The following RBFOX1 variants were observed in gnomAD, a reference collection of about 807,000 sequenced individuals.
The protein encoded by RBFOX1 is RNA binding fox-1 homolog 1, also known as RNA binding protein fox-1 homolog 1.
Under a neutral mutation model 57.7 loss-of-function variants are expected in RBFOX1, and 8 were observed. The observed-to-expected ratio is 0.14, with a 90% confidence interval of 0.08 to 0.25. RBFOX1 has a LOEUF of 0.25. Among genes scored for constraint, RBFOX1 ranks in the 10% least tolerant of loss-of-function variants. RBFOX1 has a pLI of 1.00. For synonymous variants in RBFOX1, 326 were observed against 222.4 expected (o/e 1.47, Z -4.15); for missense variants, 611 against 548.5 (o/e 1.11, Z -1.14).
At chr16:6,941,806 A>C (rs540176578) in intron 3 of RBFOX1, among the ~76,000 whole-genome samples, 19 of 152,244 alleles carry the variant, frequency 1.2e-4, no homozygotes, top group East Asian at 9.7e-4. Flanking sequence ...TGGAGGACCT[A>C]ACAAATAAGA....
At chr16:7,247,939 A>G (rs560735989) in intron 4 of RBFOX1, among the ~76,000 whole-genome samples, 2 of 152,322 alleles carry the variant, frequency 1.3e-5, no homozygotes, top group African/African-American at 4.8e-5. Context: ...ACTAATGAGT[A>G]CTAGGCTTAA....
intron 14 of RBFOX1, among the ~76,000 whole-genome samples, chr16:7,707,063 A>C (rs374764086): frequency 6.6e-5 from 10 of 152,316 alleles, no homozygotes; most frequent in South Asian, 4.1e-4. Context: ...TGTCAGTTTC[A>C]CTGACAGATT....
At chr16:6,102,020 A>C (rs1296145798) in intron 1 of RBFOX1, among the ~76,000 whole-genome samples, 1 of 152,118 alleles carries the variant, frequency 6.6e-6, no homozygotes, top group Non-Finnish European at 1.5e-5. Context: ...TCTAATAATT[A>C]AAACCCAAAA....
chr16:6,475,144 G>T (rs1263597922), intron 2 of RBFOX1, among the ~76,000 whole-genome samples: 4 of 152,138 alleles, frequency 2.6e-5, no homozygotes, highest in Non-Finnish European at 5.9e-5. Context: ...CTCTCTTTGG[G>T]TGGTGAAATA....
intron 2 of RBFOX1, among the ~76,000 whole-genome samples, chr16:6,501,193 G>A (rs1156305971): frequency 6.7e-6 from 1 of 148,476 alleles, no homozygotes; most frequent in Non-Finnish European, 1.5e-5. Context: ...ACAACGTGCA[G>A]GTTTGTTACA....
At chr16:5,928,775 G>C (rs116450312) in intron 4 of RBFOX1, among the ~76,000 whole-genome samples, 3,403 of 151,774 alleles carry the variant, frequency 0.022, 111 homozygotes, top group African/African-American at 0.078. Flanking sequence ...CCACCATTTT[G>C]GTTCCACAGT....
At chr16:6,226,516 C>T (rs1042713506) in intron 1 of RBFOX1, among the ~76,000 whole-genome samples, 14 of 151,954 alleles carry the variant, frequency 9.2e-5, no homozygotes, top group African/African-American at 2.7e-4. Flanking sequence ...CTCATTGAAG[C>T]GGTGTTCAAG....
chr16:6,097,443 T>C lies in RBFOX1; in HGVS notation c.-127+77451T>C, dbSNP rs913795777. Among the ~76,000 whole-genome samples, 3 of 152,188 alleles carry C rather than the reference T, an allele frequency of 2.0e-5. No individual in the cohort carries two copies. Among genetic ancestry groups the C allele is most frequent in the African/African-American group, 7.2e-5 (3 of 41,446 alleles). ...GCAAGGCCTGGGAGTTTGTGAGAGA[T>C]GCAGATTCTTGGTGCCCATCCAAAC... On this transcript the variant is annotated intron_variant, in intron 1 of 15. Coordinates refer to ENST00000550418, the MANE Select transcript of RBFOX1 (RefSeq NM_018723.4). This position sits in a 1 kb window ranked among gnomAD's most constrained non-coding sequence, Gnocchi z 5.0.
chr16:5,774,535 A>G (rs372382661), intron 3 of RBFOX1, among the ~76,000 whole-genome samples: 2 of 152,188 alleles, frequency 1.3e-5, no homozygotes, highest in East Asian at 1.9e-4. Flanking sequence ...TTCCTTCCAC[A>G]TATCCTAGTA....
In RBFOX1 at chr16:6,421,197, G is replaced by A. The variant is rs1442812010; in HGVS notation, c.-64+104140G>A. On this transcript the variant is annotated intron_variant, in intron 2 of 15. Coordinates refer to ENST00000550418, the MANE Select transcript of RBFOX1 (RefSeq NM_018723.4). ...CAGGAATCCCAGGCTACCCTGATGCGTTGGTTGAGATTACATCCTCTCCTT... is the reference window on the plus strand; with the variant it reads ...CAGGAATCCCAGGCTACCCTGATGCATTGGTTGAGATTACATCCTCTCCTT... Among the ~76,000 whole-genome samples, 5 of 152,190 alleles carry A rather than the reference G, an allele frequency of 3.3e-5. No homozygotes were observed. The East Asian group carries it at 9.6e-4, about 29-fold the overall frequency.
intron 5 of RBFOX1, among the ~76,000 whole-genome samples, chr16:7,562,825 T>C (rs985774250): frequency 3.3e-5 from 5 of 152,192 alleles, no homozygotes; most frequent in African/African-American, 1.2e-4. Flanking sequence ...CAAGAAACAC[T>C]CTATGCCCAC....
In RBFOX1 at chr16:6,818,643, A is replaced by G. The variant is rs112979156; in HGVS notation, c.-16+163993A>G. ...TCAGCACCTGTGATGAATAGCTGCTATTATTCATTTTTCCCCCCTTCTTCT... is the reference window on the plus strand; with the variant it reads ...TCAGCACCTGTGATGAATAGCTGCTGTTATTCATTTTTCCCCCCTTCTTCT... On this transcript the variant is annotated intron_variant, in intron 3 of 15. Transcript: ENST00000550418. 2.0e-4 allele frequency among the ~76,000 whole-genome samples: 31 copies of G among 152,186 alleles called. 1 individual carries two copies. The highest frequency in any genetic ancestry group is 6.7e-4 in the African/African-American group (28 of 41,536).
intron 3 of RBFOX1, among the ~76,000 whole-genome samples, chr16:6,999,342 C>G (rs1393581554): frequency 6.6e-6 from 1 of 151,108 alleles, no homozygotes; most frequent in East Asian, 1.9e-4. Flanking sequence ...CAGGCATGAG[C>G]CGTTGTGCCT....
At chr16:6,041,367 T>C (rs947520931) in intron 1 of RBFOX1, among the ~76,000 whole-genome samples, 1 of 152,160 alleles carries the variant, frequency 6.6e-6, no homozygotes, top group Non-Finnish European at 1.5e-5. Context: ...ATCAAAGAAT[T>C]TTCAGACATG....
At chr16:6,808,788 T>C (rs992742206) in intron 3 of RBFOX1, among the ~76,000 whole-genome samples, 2 of 152,162 alleles carry the variant, frequency 1.3e-5, no homozygotes, top group Non-Finnish European at 2.9e-5. Flanking sequence ...TGTATCTGTG[T>C]CTTCTCCCAG....
At chr16:5,713,937 G>A (rs748154258) in intron 3 of RBFOX1, among the ~76,000 whole-genome samples, 6 of 152,180 alleles carry the variant, frequency 3.9e-5, no homozygotes, top group Admixed American at 6.5e-5. Context: ...TCTGGGAGAC[G>A]TGGGAGATGT....
At chr16:6,411,402 C>T (rs746910234) in intron 2 of RBFOX1, among the ~76,000 whole-genome samples, 5 of 152,168 alleles carry the variant, frequency 3.3e-5, no homozygotes, top group South Asian at 2.1e-4. Flanking sequence ...TGTGTATTCC[C>T]GATGAACACA....
At chr16:5,936,042 T>TC (rs2059161509) in intron 4 of RBFOX1, among the ~76,000 whole-genome samples, 1 of 152,016 alleles carries the variant, frequency 6.6e-6, no homozygotes, top group Admixed American at 6.6e-5. Flanking sequence ...CCATTTTTTT[T>TC]TTATGTCAAG....
At chr16:7,370,064 T>G (rs1014540175) in intron 4 of RBFOX1, among the ~76,000 whole-genome samples, 2 of 152,236 alleles carry the variant, frequency 1.3e-5, no homozygotes, top group African/African-American at 4.8e-5. Context: ...TTTTCAAGCT[T>G]GGCACTATGA....
Sources: allele counts gnomAD v4.1 joint callset (sites outside exome capture counted in the v4.1 genomes callset), GRCh38; gene constraint gnomAD v4.1.1; non-coding constraint Gnocchi (gnomAD v3.1); transcripts MANE v1.5; gene names NCBI Gene and HGNC (gene_info 2026-07-23, HGNC 2026-07-21).